CDH13: variants seen among roughly 807,000 people sequenced by gnomAD.
CDH13 encodes the protein cadherin-13.
CDH13 carries 24 observed loss-of-function variants against 63.8 expected under a neutral mutation model. The observed-to-expected ratio is 0.38, with a 90% CI of 0.27 to 0.53. CDH13 has a LOEUF of 0.53. Ranked by LOEUF, CDH13 falls within the 20% of genes least tolerant of loss-of-function variation. CDH13 has a pLI of 0.85. For missense variants in CDH13, 1,049 were observed against 903.1 expected (o/e 1.16, Z -2.07); for synonymous variants, 503 against 355.3 (o/e 1.42, Z -4.67).
chr16:83,445,278 A>G (rs892657132), intron 6 of CDH13, among the ~76,000 whole-genome samples: 1 of 138,960 alleles, frequency 7.2e-6, no homozygotes, highest in African/African-American at 2.5e-5. Context: ...AGCTTTTATA[A>G]TTTATAAAAG....
At chr16:82,662,067 G>T (rs537207921) in intron 1 of CDH13, among the ~76,000 whole-genome samples, 4 of 152,348 alleles carry the variant, frequency 2.6e-5, no homozygotes, top group African/African-American at 7.2e-5. Flanking sequence ...AGAGGGATTT[G>T]CTGGACACCA....
chr16:83,428,861 C>T (rs1192136650), intron 6 of CDH13, among the ~76,000 whole-genome samples: 1 of 152,202 alleles, frequency 6.6e-6, no homozygotes, highest in Non-Finnish European at 1.5e-5. Flanking sequence ...CCAGTGCATT[C>T]AGGCACTATT....
chr16:83,570,972 A>ATATATATATATATATATATAT lies in CDH13; in HGVS notation c.961-31482_961-31481insTATATATATATATATATATAT, dbSNP rs57638289. Among the ~76,000 whole-genome samples the ATATATATATATATATATATAT allele has an allele frequency of 3.9e-4, 43 of 109,546 alleles. 1 individual carries two copies. Among genetic ancestry groups the ATATATATATATATATATATAT allele is most frequent in the Admixed American group, 3.0e-3 (29 of 9,644 alleles). 71.9% of individuals were successfully genotyped at this position (109,546 alleles called of 152,430 possible). A position where few individuals can be genotyped will look rare whatever the true frequency, so the allele number is the denominator to read the frequency against. ...ATATATATATATATATATATATATA[A>ATATATATATATATATATATAT]AAACCTTCTGGCGCCACCCAAGGGC... On this transcript the variant is annotated intron_variant, in intron 7 of 13. Coordinates refer to ENST00000567109, the MANE Select transcript of CDH13 (RefSeq NM_001257.5).
intron 6 of CDH13, among the ~76,000 whole-genome samples, chr16:83,466,152 G>C (rs2073309303): frequency 6.6e-6 from 1 of 152,202 alleles, no homozygotes; most frequent in Non-Finnish European, 1.5e-5. Context: ...TCCTAGCTGG[G>C]AGCCACGTGA....
At chr16:83,572,272 T>A (rs781580388) in intron 7 of CDH13, among the ~76,000 whole-genome samples, 6 of 151,752 alleles carry the variant, frequency 4.0e-5, no homozygotes, top group Non-Finnish European at 8.8e-5. Context: ...TTGCAATCTC[T>A]GCCTCCTGGG....
chr16:83,443,288 G>A (rs767719402), intron 6 of CDH13, among the ~76,000 whole-genome samples: 2 of 152,126 alleles, frequency 1.3e-5, no homozygotes, highest in Admixed American at 6.5e-5. Context: ...TGAGAAAGAG[G>A]CTGGGAGGCC....
At chr16:83,772,544 A>G (rs1029013943) in intron 11 of CDH13, among the ~76,000 whole-genome samples, 3 of 152,366 alleles carry the variant, frequency 2.0e-5, no homozygotes, top group East Asian at 1.9e-4. Flanking sequence ...AACTCTGACC[A>G]TAAAGACTTA....
chr16:82,710,392 G>A (rs59542100), intron 1 of CDH13, among the ~76,000 whole-genome samples: 2,819 of 145,440 alleles, frequency 0.019, 84 homozygotes, highest in African/African-American at 0.067. Context: ...AATTAGCTGC[G>A]CATGGTGGTG....
intron 2 of CDH13, among the ~76,000 whole-genome samples, chr16:82,905,703 C>T (rs1323102620): frequency 1.3e-5 from 2 of 152,032 alleles, no homozygotes; most frequent in South Asian, 2.1e-4. Flanking sequence ...TACTTTAACC[C>T]ATATCTAAAA....
At chr16:82,810,319 A>G (rs1054399171) in intron 1 of CDH13, among the ~76,000 whole-genome samples, 2 of 152,140 alleles carry the variant, frequency 1.3e-5, no homozygotes, top group Admixed American at 6.6e-5. Flanking sequence ...AAAGTTAGGG[A>G]GGAAACAAAT....
chr16:83,334,445 C>G (rs1387136681), intron 5 of CDH13, among the ~76,000 whole-genome samples: 3 of 151,310 alleles, frequency 2.0e-5, no homozygotes, highest in African/African-American at 7.3e-5. Flanking sequence ...AATCACAGCT[C>G]CCTGCAGCTT....
At chr16:82,914,464 T>C (rs1291783302) in intron 2 of CDH13, among the ~76,000 whole-genome samples, 1 of 152,228 alleles carries the variant, frequency 6.6e-6, no homozygotes, top group East Asian at 1.9e-4. Context: ...AGTTTTGTTT[T>C]TTCACCTTGA....
chr16:82,676,153 C>A (rs776161362), intron 1 of CDH13, among the ~76,000 whole-genome samples: 5 of 152,182 alleles, frequency 3.3e-5, no homozygotes, highest in Non-Finnish European at 7.3e-5. Flanking sequence ...CTTTATCTAC[C>A]TGACCACCAA....
In CDH13 at chr16:83,466,361, C is replaced by T. The variant is rs141182377; in HGVS notation, c.782-20116C>T. On this transcript the variant is annotated intron_variant, in intron 6 of 13. Transcript: ENST00000567109. ...CTTACATCCAGGCAAGAGAGTCTAG[C>T]GGCAATAAGCTGGACATTAGAACCG... 5.1e-3 allele frequency among the ~76,000 whole-genome samples: 783 copies of T among 152,170 alleles called. 7 individuals carry two copies. The highest frequency in any genetic ancestry group is 0.018 in the African/African-American group (749 of 41,520).
intron 1 of CDH13, among the ~76,000 whole-genome samples, chr16:82,811,390 A>G (rs866370440): frequency 6.6e-6 from 1 of 152,108 alleles, no homozygotes; most frequent in South Asian, 2.1e-4. Flanking sequence ...TTTAGTAACT[A>G]TTGCAATTTT....
In CDH13 at chr16:82,925,558, G is replaced by A. The variant is rs554212031; in HGVS notation, c.157+67085G>A. On this transcript the variant is annotated intron_variant, in intron 2 of 13. Coordinates refer to ENST00000567109, the MANE Select transcript of CDH13 (RefSeq NM_001257.5). ...GAGGAGGTTGACAAAGTGAGTATTC[G>A]TGTCCCCAGCCATTGTGGCAGATGA... Among the ~76,000 whole-genome samples, 5 of 152,270 alleles carry A rather than the reference G, an allele frequency of 3.3e-5. No individual in the cohort carries two copies. The South Asian group carries it at 6.2e-4, about 19-fold the overall frequency.
chr16:83,753,343 A>C (rs968369785), intron 11 of CDH13, among the ~76,000 whole-genome samples: 5 of 152,174 alleles, frequency 3.3e-5, no homozygotes, highest in African/African-American at 1.2e-4. Flanking sequence ...TAGGAGTTCA[A>C]AACCATCCTG....
chr16:83,458,979 T>G (rs1361955707), intron 6 of CDH13, among the ~76,000 whole-genome samples: 1 of 152,218 alleles, frequency 6.6e-6, no homozygotes, highest in Non-Finnish European at 1.5e-5. Context: ...AAACGACAAT[T>G]TTTCATGGGG....
At chr16:83,239,114 G>C (rs7499979) in intron 5 of CDH13, among the ~76,000 whole-genome samples, 150,887 of 152,306 alleles carry the variant, frequency 0.99, 74,760 homozygotes, top group Middle Eastern at 1. Context: ...TAAATATAGC[G>C]CCTGTCTTGT....
Sources: allele counts gnomAD v4.1 joint callset (sites outside exome capture counted in the v4.1 genomes callset), GRCh38; gene constraint gnomAD v4.1.1; transcripts MANE v1.5; gene names NCBI Gene and HGNC (gene_info 2026-07-23, HGNC 2026-07-21).